NTNG2: variants seen among roughly 807,000 people sequenced by gnomAD.
The protein encoded by NTNG2 is netrin-G2.
In NTNG2, 15 loss-of-function variants were observed where a neutral mutation model predicts 47.6. The observed-to-expected ratio is 0.32, with a 90% CI of 0.21 to 0.49. The LOEUF (loss-of-function observed/expected upper bound fraction) is 0.49. Ranked by LOEUF, NTNG2 falls within the 20% of genes least tolerant of loss-of-function variation. The probability of loss-of-function intolerance (pLI) is 0.99; values close to 1 mark genes in which losing one functional copy is unlikely to be tolerated. For missense variants in NTNG2, 578 were observed against 764.6 expected, an observed-to-expected ratio of 0.76 and a Z score of 2.88; for synonymous variants, 307 against 324.6, an observed-to-expected ratio of 0.95 and a Z score of 0.58.
rs538367224 is a variant in NTNG2 at position 132,207,976 on chromosome 9, C to T, written c.857+9367C>T. Among the ~76,000 whole-genome samples the T allele has an allele frequency of 1.1e-4, 17 of 152,204 alleles. No individual in the cohort carries two copies. The East Asian group carries it at 1.7e-3, about 16-fold the overall frequency. On this transcript the variant is annotated intron_variant, in intron 3 of 7. Transcript: ENST00000393229. ...AAAATTAGCCAGGCATGGTGGTGTGCGCCTGTGGTCTCAGATACCTGGGAG... is the reference window on the plus strand; with the variant it reads ...AAAATTAGCCAGGCATGGTGGTGTGTGCCTGTGGTCTCAGATACCTGGGAG...
At chr9:132,167,909 C>T (rs758132647) in intron 2 of NTNG2, among the ~76,000 whole-genome samples, 3 of 152,186 alleles carry the variant, frequency 2.0e-5, no homozygotes, top group Non-Finnish European at 2.9e-5. Flanking sequence ...CAGGGGAGGG[C>T]TCTGGCCCAG....
intron 2 of NTNG2, among the ~76,000 whole-genome samples, chr9:132,189,788 A>G (rs1291621964): frequency 6.6e-6 from 1 of 151,896 alleles, no homozygotes; most frequent in African/African-American, 2.4e-5. Flanking sequence ...TACAGGCACG[A>G]AACGCTATGC....
At position 132,218,381 on chromosome 9, in the gene NTNG2, G is replaced by A. The variant is rs187656585; in HGVS notation, c.858-8468G>A. Among the ~76,000 whole-genome samples the A allele has an allele frequency of 1.3e-5, 2 of 152,218 alleles. No individual in the cohort carries two copies. Among genetic ancestry groups the A allele is most frequent in the African/African-American group, 2.4e-5 (1 of 41,458 alleles). ...CTGTGAAGGGCTAATGTTCTAATTCGGGTGGCACTCTCAGAACAGTTCCTC... is the reference window on the plus strand; with the variant it reads ...CTGTGAAGGGCTAATGTTCTAATTCAGGTGGCACTCTCAGAACAGTTCCTC... On this transcript the variant is annotated intron_variant, in intron 3 of 7. Transcript: ENST00000393229. This position sits in a 1 kb window ranked among gnomAD's most constrained non-coding sequence, Gnocchi z 5.4.
At chr9:132,217,915 G>T (rs930546105) in intron 3 of NTNG2, among the ~76,000 whole-genome samples, 1 of 152,210 alleles carries the variant, frequency 6.6e-6, no homozygotes, top group Non-Finnish European at 1.5e-5. Context: ...AGTGGGCACC[G>T]CTCTGTGCCA....
Position 132,163,524 on chromosome 9 carries a change from C to T in NTNG2, c.-484+1285C>T, listed in dbSNP as rs1366087200. 6.6e-6 allele frequency among the ~76,000 whole-genome samples: 1 copy of T among 152,136 alleles called. No homozygotes were observed. The highest frequency in any genetic ancestry group is 2.4e-5 in the African/African-American group (1 of 41,434). ...CGGGAAGGTGACCCCGCCGGCCAAG[C>T]TCCCTTTCCCTCCCGGCAACCGCCA... On this transcript the variant is annotated intron_variant, in intron 1 of 7. Transcript: ENST00000393229. This position sits in a 1 kb window ranked among gnomAD's most constrained non-coding sequence, Gnocchi z 7.2.
At position 132,226,765 on chromosome 9, in the gene NTNG2, C is replaced by A; in HGVS notation, c.858-84C>A. The A allele has an allele frequency of 7.6e-7, 1 of 1,311,500 alleles. No homozygotes were observed. Among genetic ancestry groups the A allele is most frequent in the Non-Finnish European group, 1.0e-6 (1 of 978,094 alleles). 81.2% of individuals were successfully genotyped at this position (1,311,500 alleles called of 1,614,324 possible). On this transcript the variant is annotated intron_variant, in intron 3 of 7. Coordinates refer to ENST00000393229, the MANE Select transcript of NTNG2 (RefSeq NM_032536.4). The surrounding 1 kb of genome is among the most constrained non-coding windows in gnomAD (Gnocchi z 4.8). Reference sequence around the variant, plus strand: ...CAGCCCAACACCCTCCTGGGCCCCTCCTGGGAGGCGCTCCTTTCCCCAGAG... The same window carrying A: ...CAGCCCAACACCCTCCTGGGCCCCTACTGGGAGGCGCTCCTTTCCCCAGAG...
In NTNG2 at chr9:132,213,287, A is replaced by ACTCCAGC. The variant is rs1204536414; in HGVS notation, c.858-13552_858-13546dup. ...AAGTGAGCTGAGATCGTGCCACTGC[A>ACTCCAGC]CTCCAGCCTCCAGCCTGGGCGATGA... On this transcript the variant is annotated intron_variant, in intron 3 of 7. Transcript: ENST00000393229. 2.7e-5 allele frequency among the ~76,000 whole-genome samples: 4 copies of ACTCCAGC among 145,766 alleles called. No individual in the cohort carries two copies. The East Asian group carries it at 8.3e-4, about 30-fold the overall frequency.
chr9:132,223,411 A>T (rs1188204409), intron 3 of NTNG2, among the ~76,000 whole-genome samples: 2 of 152,068 alleles, frequency 1.3e-5, no homozygotes, highest in Non-Finnish European at 2.9e-5. Flanking sequence ...CAGGACTGAG[A>T]TATGAGGGAG....
At chr9:132,170,406 C>T (rs1023761722) in intron 2 of NTNG2, among the ~76,000 whole-genome samples, 1 of 152,200 alleles carries the variant, frequency 6.6e-6, no homozygotes, top group Non-Finnish European at 1.5e-5. Context: ...AGAAGAGAGG[C>T]GGCCCCCACC....
chr9:132,166,454 C>T lies in NTNG2; in HGVS notation c.-378C>T, dbSNP rs776457277. 5.1e-5 allele frequency: 15 copies of T among 292,198 alleles called. No homozygotes were observed. The highest frequency in any genetic ancestry group is 3.4e-5 in the Non-Finnish European group (5 of 148,868). The allele number at this position is 292,198 out of a possible 1,614,324, so 18.1% of individuals were successfully genotyped here. On this transcript the variant is annotated 5_prime_UTR_variant, in exon 2 of 8. Coordinates refer to ENST00000393229, the MANE Select transcript of NTNG2 (RefSeq NM_032536.4). ...AAAATTAAAAGCAATCTGATCCAGC[C>T]TCATGCAGGATCCCTGCGGATTTTC...
Position 132,225,909 on chromosome 9 carries a change from T to G in NTNG2, c.858-940T>G, listed in dbSNP as rs758223464. ...TCCAGATCTTGCGGATGGCATCCCCTGGTGTCGTTCAGGGTGATGCTCTGT... is the reference window on the plus strand; with the variant it reads ...TCCAGATCTTGCGGATGGCATCCCCGGGTGTCGTTCAGGGTGATGCTCTGT... On this transcript the variant is annotated intron_variant, in intron 3 of 7. Transcript: ENST00000393229. 5.3e-5 allele frequency among the ~76,000 whole-genome samples: 8 copies of G among 152,320 alleles called. No individual in the cohort carries two copies. In the South Asian group the frequency reaches 8.3e-4, roughly 16 times the overall value.
At chr9:132,202,133 G>A (rs886771551) in intron 3 of NTNG2, among the ~76,000 whole-genome samples, 1 of 152,216 alleles carries the variant, frequency 6.6e-6, no homozygotes, top group Non-Finnish European at 1.5e-5. Flanking sequence ...ATGATGGAGC[G>A]ATCCCACGGG....
Position 132,242,120 on chromosome 9 carries a change from C to T in NTNG2, c.*9C>T, listed in dbSNP as rs1376733304. On this transcript the variant is annotated 3_prime_UTR_variant, in exon 8 of 8. Transcript: ENST00000393229. The surrounding 1 kb of genome is among the most constrained non-coding windows in gnomAD (Gnocchi z 5.9). ...CCCGCCTGGGCCGCTGAGCCCCGCCCGGAGGACGCTCCCCGCACCCGGAGG... is the reference window on the plus strand; with the variant it reads ...CCCGCCTGGGCCGCTGAGCCCCGCCTGGAGGACGCTCCCCGCACCCGGAGG... The T allele has an allele frequency of 1.8e-6, 2 of 1,116,954 alleles. No homozygotes were observed. Among genetic ancestry groups the T allele is most frequent in the South Asian group, 4.3e-5 (1 of 23,242 alleles). 69.2% of individuals were successfully genotyped at this position (1,116,954 alleles called of 1,614,324 possible).
At chr9:132,165,718 C>A (rs1835463207) in intron 1 of NTNG2, among the ~76,000 whole-genome samples, 1 of 152,214 alleles carries the variant, frequency 6.6e-6, no homozygotes, top group Non-Finnish European at 1.5e-5. Flanking sequence ...ACCATTAAAT[C>A]TTGGCTCCTG....
chr9:132,212,091 C>T (rs991819949), intron 3 of NTNG2, among the ~76,000 whole-genome samples: 4 of 152,138 alleles, frequency 2.6e-5, no homozygotes, highest in South Asian at 2.1e-4. Context: ...CCACCCTTGT[C>T]GCCTCCCACC....
At chr9:132,239,062 T>C (rs1410318928) in intron 5 of NTNG2, 42 bp from the exon 6 acceptor site, 2 of 1,597,036 alleles carry the variant, frequency 1.3e-6, no homozygotes, top group Non-Finnish European at 1.7e-6. Flanking sequence ...TTTCCCTGAA[T>C]GCTCGCTGAC....
Position 132,198,506 on chromosome 9 carries a change from C to G in NTNG2, c.754C>G (p.Leu252Val). Reference protein sequence around the residue: ...GLKEFFTLTDLRMRLLRPALG... With the variant: ...GLKEFFTLTDVRMRLLRPALG... ...CAAGGAGTTCTTCACCCTCACCGAC[C>G]TGCGCATGCGGCTGCTGCGCCCGGC... Residue 252 changes from leucine to valine, a missense_variant, in exon 3 of 8, where the codon CTG becomes GTG. By Grantham distance (32) the Leu-to-Val change is conservative. Coordinates refer to ENST00000393229, the MANE Select transcript of NTNG2 (RefSeq NM_032536.4). The G allele has an allele frequency of 6.2e-7, 1 of 1,613,174 alleles. No homozygotes were observed. Among genetic ancestry groups the G allele is most frequent in the Non-Finnish European group, 8.5e-7 (1 of 1,180,022 alleles).
chr9:132,168,546 G>A (rs1835661435), intron 2 of NTNG2, among the ~76,000 whole-genome samples: 1 of 152,154 alleles, frequency 6.6e-6, no homozygotes, highest in African/African-American at 2.4e-5. Context: ...GGCCAGCTGG[G>A]GAGAGAGAGA....
chr9:132,213,248 G>A (rs1407524425), intron 3 of NTNG2, among the ~76,000 whole-genome samples: 2 of 150,834 alleles, frequency 1.3e-5, no homozygotes, highest in African/African-American at 4.9e-5. Flanking sequence ...CTTGAACTTG[G>A]GAGGCGGAGG....
Sources: allele counts gnomAD v4.1 joint callset (sites outside exome capture counted in the v4.1 genomes callset), GRCh38; gene constraint gnomAD v4.1.1; non-coding constraint Gnocchi (gnomAD v3.1); transcripts MANE v1.5; gene names NCBI Gene and HGNC (gene_info 2026-07-23, HGNC 2026-07-21).